The following NXN variants were observed in gnomAD, a reference collection of about 807,000 sequenced individuals.
The protein encoded by NXN is nucleoredoxin, also known as nucleoredoxin 1.
In NXN, 16 loss-of-function variants were observed where a neutral mutation model predicts 48.6. The observed-to-expected ratio is 0.33, with a 90% CI of 0.22 to 0.50. The LOEUF (loss-of-function observed/expected upper bound fraction) is 0.50. Ranked by LOEUF, NXN falls within the 20% of genes least tolerant of loss-of-function variation. The probability of loss-of-function intolerance (pLI) is 0.98; values close to 1 mark genes in which losing one functional copy is unlikely to be tolerated. For missense variants in NXN, 492 were observed against 605.5 expected, an observed-to-expected ratio of 0.81 and a Z score of 1.97; for synonymous variants, 281 against 269.6, an observed-to-expected ratio of 1.04 and a Z score of -0.41.
intron 5 of NXN, among the ~76,000 whole-genome samples, chr17:812,641 A>T (rs890010454): frequency 4.8e-5 from 7 of 147,020 alleles, no homozygotes; most frequent in African/African-American, 1.8e-4. Flanking sequence ...GGTGTGTGTG[A>T]GTGTGCATGT....
chr17:801,942 C>A (rs555697187), intron 7 of NXN, among the ~76,000 whole-genome samples: 2 of 152,184 alleles, frequency 1.3e-5, no homozygotes, highest in Non-Finnish European at 2.9e-5. Flanking sequence ...CAGAAGACAG[C>A]GCTGCTTAAG....
chr17:835,022 C>A (rs1432924613), intron 1 of NXN, among the ~76,000 whole-genome samples: 5 of 151,498 alleles, frequency 3.3e-5, no homozygotes, highest in Non-Finnish European at 7.4e-5. Flanking sequence ...GAAAACGTCA[C>A]AGCAGGCCTG....
intron 1 of NXN, among the ~76,000 whole-genome samples, chr17:842,050 C>T (rs952110310): frequency 2.0e-5 from 3 of 152,186 alleles, no homozygotes; most frequent in East Asian, 1.9e-4. Flanking sequence ...GCAGGAGAAT[C>T]GCTTGAACCT....
chr17:890,670 C>T (rs138386730), intron 1 of NXN, among the ~76,000 whole-genome samples: 3 of 152,184 alleles, frequency 2.0e-5, no homozygotes, highest in Admixed American at 6.6e-5. Context: ...CATGAGCCAC[C>T]GCATCTAGCC....
chr17:805,022 C>T (rs1015367152), intron 6 of NXN, 46 bp downstream of exon 6: 2 of 1,520,118 alleles, frequency 1.3e-6, no homozygotes, highest in Non-Finnish European at 1.8e-6. Context: ...CCCTCCTGTC[C>T]CGCCCCCCAG....
chr17:943,295 C>T (rs2069001489), intron 1 of NXN, among the ~76,000 whole-genome samples: 1 of 152,158 alleles, frequency 6.6e-6, no homozygotes, highest in Non-Finnish European at 1.5e-5. Flanking sequence ...TCTGTATGAA[C>T]TACCCAGGTT....
chr17:811,850 A>C (rs1597617639), intron 5 of NXN, among the ~76,000 whole-genome samples: 1 of 133,478 alleles, frequency 7.5e-6, no homozygotes, highest in Non-Finnish European at 1.6e-5. Context: ...GGCCCCCTTC[A>C]CTCGGCAGGG....
Position 863,383 on chromosome 17 carries a change from G to A in NXN, c.361-37305C>T, listed in dbSNP as rs1396529342. Among the ~76,000 whole-genome samples, 6 of 152,144 alleles carry A rather than the reference G, an allele frequency of 3.9e-5. No individual in the cohort carries two copies. In the East Asian group the frequency reaches 7.7e-4, roughly 20 times the overall value. On this transcript the variant is annotated intron_variant, in intron 1 of 7. Coordinates refer to ENST00000336868, the MANE Select transcript of NXN (RefSeq NM_022463.5). Reference sequence around the variant, plus strand: ...GGGGTTTCACCGTGTGAGCCAGGATGGTCTCGATCTCCTGACCTCATGATC... The same window carrying A: ...GGGGTTTCACCGTGTGAGCCAGGATAGTCTCGATCTCCTGACCTCATGATC...
intron 1 of NXN, among the ~76,000 whole-genome samples, chr17:874,506 C>T (rs2068193517): frequency 6.6e-6 from 1 of 152,220 alleles, no homozygotes; most frequent in Non-Finnish European, 1.5e-5. Flanking sequence ...ATCGCTTGAA[C>T]CCGAGAGGCA....
chr17:928,134 A>C (rs1339099534), intron 1 of NXN, among the ~76,000 whole-genome samples: 2 of 152,180 alleles, frequency 1.3e-5, no homozygotes, highest in Non-Finnish European at 2.9e-5. Flanking sequence ...AGAAAGTGCC[A>C]TAAGCATGCG....
At chr17:964,269 C>T (rs1222915116) in intron 1 of NXN, among the ~76,000 whole-genome samples, 2 of 152,042 alleles carry the variant, frequency 1.3e-5, no homozygotes, top group East Asian at 1.9e-4. Context: ...GAACACACAC[C>T]GTGTTTTGTT....
intron 1 of NXN, among the ~76,000 whole-genome samples, chr17:884,471 A>G (rs1028049907): frequency 6.6e-6 from 1 of 152,180 alleles, no homozygotes; most frequent in Non-Finnish European, 1.5e-5. Flanking sequence ...ACTGCAGGGC[A>G]TGGTCAAAAA....
At chr17:913,301 T>G (rs2068654713) in intron 1 of NXN, among the ~76,000 whole-genome samples, 1 of 151,146 alleles carries the variant, frequency 6.6e-6, no homozygotes, top group African/African-American at 2.4e-5. Flanking sequence ...ATGACAGAAC[T>G]CATCCACAGA....
chr17:895,935 C>A (rs1250676833), intron 1 of NXN, among the ~76,000 whole-genome samples: 1 of 152,050 alleles, frequency 6.6e-6, no homozygotes, highest in Admixed American at 6.5e-5. Context: ...GGGCTGGGGG[C>A]AGTGGCTCAC....
At chr17:947,655 C>T (rs925953864) in intron 1 of NXN, among the ~76,000 whole-genome samples, 2 of 149,154 alleles carry the variant, frequency 1.3e-5, no homozygotes, top group East Asian at 2.0e-4. Context: ...ACTGCTTGAA[C>T]GCAGGAGGCA....
Position 823,868 on chromosome 17 carries a change from C to A in NXN, c.479-103G>T, listed in dbSNP as rs528790103. On this transcript the variant is annotated intron_variant, in intron 2 of 7. Coordinates refer to ENST00000336868, the MANE Select transcript of NXN (RefSeq NM_022463.5). ...TAAGACTCTTCTTGATGACCTGGGACCCGGGAGACCTCAGAGCGGCAGGCG... is the reference window on the plus strand; with the variant it reads ...TAAGACTCTTCTTGATGACCTGGGAACCGGGAGACCTCAGAGCGGCAGGCG... The A allele has an allele frequency of 2.5e-6, 3 of 1,186,336 alleles. No individual in the cohort carries two copies. In the East Asian group the frequency reaches 7.1e-5, roughly 28 times the overall value. 73.5% of individuals were successfully genotyped at this position (1,186,336 alleles called of 1,614,324 possible). A position where few individuals can be genotyped will look rare whatever the true frequency, so the allele number is the denominator to read the frequency against.
chr17:897,228 G>C (rs893558288), intron 1 of NXN, among the ~76,000 whole-genome samples: 3 of 152,236 alleles, frequency 2.0e-5, no homozygotes, highest in African/African-American at 7.2e-5. Context: ...CAGAGGTTAA[G>C]GGCTGTTCCC....
At chr17:857,705 G>C (rs73291525) in intron 1 of NXN, among the ~76,000 whole-genome samples, 1 of 152,122 alleles carries the variant, frequency 6.6e-6, no homozygotes, top group East Asian at 1.9e-4. Flanking sequence ...CACCATCCCA[G>C]ATATCACCAG....
chr17:856,510 A>C (rs533452963), intron 1 of NXN, among the ~76,000 whole-genome samples: 276 of 92,024 alleles, frequency 3.0e-3, no homozygotes, highest in Middle Eastern at 0.01. Flanking sequence ...TTTTTTTTTG[A>C]GACTGAGTCT....
Sources: gnomAD v4.1 joint callset for allele counts (sites outside exome capture counted in the v4.1 genomes callset) on GRCh38, gnomAD v4.1.1 for gene constraint, MANE v1.5 for transcripts, NCBI Gene and HGNC (gene_info 2026-07-23, HGNC 2026-07-21) for gene names.